The following TMEM132D variants were observed in gnomAD, a reference collection of about 807,000 sequenced individuals.
TMEM132D encodes the protein transmembrane protein 132D.
TMEM132D carries 21 observed loss-of-function variants against 62.3 expected under a neutral mutation model. That is an observed-to-expected ratio of 0.34 (90% CI 0.24 to 0.49). The LOEUF (loss-of-function observed/expected upper bound fraction) is 0.49. TMEM132D is among the 20% of genes least tolerant of loss of function. TMEM132D has a pLI of 0.99. For synonymous variants in TMEM132D, 621 were observed against 575.6 expected, an observed-to-expected ratio of 1.08 and a Z score of -1.13; for missense variants, 1,346 against 1,402.8, an observed-to-expected ratio of 0.96 and a Z score of 0.65.
chr12:129,402,968 A>T (rs759065823), intron 3 of TMEM132D, among the ~76,000 whole-genome samples: 21 of 152,086 alleles, frequency 1.4e-4, no homozygotes, highest in Admixed American at 3.3e-4. Context: ...AAAACAGTAA[A>T]TTCTGCTTTG....
rs77518829 is a variant in TMEM132D, at chr12:129,798,328, A to C, written c.80-97630T>G. On this transcript the variant is annotated intron_variant, in intron 1 of 8. Transcript: ENST00000422113. ...GATTTTTTTAAAGGTCTTTCTCAAT[A>C]GTTTAGCAAAAGATGTGGAAAGGGT... 4.7e-4 allele frequency among the ~76,000 whole-genome samples: 71 copies of C among 152,286 alleles called. 2 individuals carry two copies. The East Asian group carries it at 0.011, about 24-fold the overall frequency.
chr12:129,464,711 C>T (rs1873823061), intron 3 of TMEM132D, among the ~76,000 whole-genome samples: 1 of 152,126 alleles, frequency 6.6e-6, no homozygotes, highest in South Asian at 2.1e-4. Context: ...TTTCCCAGCA[C>T]CATTTATTAA....
At chr12:129,729,227 G>A (rs1034566712) in intron 1 of TMEM132D, among the ~76,000 whole-genome samples, 1 of 152,138 alleles carries the variant, frequency 6.6e-6, no homozygotes, top group Admixed American at 6.5e-5. Flanking sequence ...AAACATCTCT[G>A]GACCATAGAG....
chr12:129,087,678 G>A (rs1205367998), intron 5 of TMEM132D, among the ~76,000 whole-genome samples: 2 of 152,192 alleles, frequency 1.3e-5, no homozygotes, highest in Non-Finnish European at 2.9e-5. Context: ...CAGGCCTACC[G>A]ACACCTTGAT....
chr12:129,807,821 T>C (rs1872041977), intron 1 of TMEM132D, among the ~76,000 whole-genome samples: 1 of 152,190 alleles, frequency 6.6e-6, no homozygotes. Flanking sequence ...CCACCCTCCA[T>C]GATTCCATTT....
chr12:129,399,980 A>G (rs1218737647), intron 3 of TMEM132D, among the ~76,000 whole-genome samples: 1 of 152,154 alleles, frequency 6.6e-6, no homozygotes, highest in Admixed American at 6.6e-5. Context: ...TATTTCATAA[A>G]TATTTGGTAA....
At chr12:129,096,485 G>A (rs1193527724) in intron 5 of TMEM132D, among the ~76,000 whole-genome samples, 2 of 152,194 alleles carry the variant, frequency 1.3e-5, no homozygotes, top group African/African-American at 4.8e-5. Context: ...GGGTGTTCAG[G>A]GAGGAGCCCC....
chr12:129,083,471 G>A (rs561013606), intron 6 of TMEM132D, among the ~76,000 whole-genome samples: 3 of 152,166 alleles, frequency 2.0e-5, no homozygotes, highest in Non-Finnish European at 2.9e-5. Context: ...CAGCGCCAAC[G>A]GTCATTCTCT....
At chr12:129,332,486 G>A (rs1355218620) in intron 4 of TMEM132D, among the ~76,000 whole-genome samples, 2 of 152,154 alleles carry the variant, frequency 1.3e-5, no homozygotes, top group African/African-American at 2.4e-5. Context: ...AGAATGGAGA[G>A]GCCACCAGCT....
chr12:129,120,662 G>A (rs145354108), intron 5 of TMEM132D, among the ~76,000 whole-genome samples: 7 of 152,300 alleles, frequency 4.6e-5, no homozygotes, highest in Non-Finnish European at 7.3e-5. Flanking sequence ...CTGTGGTTTA[G>A]TTAATAGTAT....
At chr12:129,100,208 T>A (rs1167206093) in intron 5 of TMEM132D, among the ~76,000 whole-genome samples, 1 of 152,090 alleles carries the variant, frequency 6.6e-6, no homozygotes, top group Non-Finnish European at 1.5e-5. Flanking sequence ...CCCTGGCTAA[T>A]TTTTTGTATT....
intron 1 of TMEM132D, among the ~76,000 whole-genome samples, chr12:129,757,939 G>C (rs1486907126): frequency 6.6e-6 from 1 of 152,076 alleles, no homozygotes; most frequent in African/African-American, 2.4e-5. Context: ...GTTTCACTCT[G>C]TTGCCCAGGC....
At chr12:129,866,880 T>C (rs979021559) in intron 1 of TMEM132D, among the ~76,000 whole-genome samples, 33 of 152,184 alleles carry the variant, frequency 2.2e-4, no homozygotes, top group Non-Finnish European at 2.6e-4. Flanking sequence ...TGAGTCAGCC[T>C]ATGTGTCCAT....
intron 4 of TMEM132D, chr12:129,212,654 T>C (rs1879088962): frequency 6.6e-6 from 1 of 152,208 alleles, no homozygotes; most frequent in Admixed American, 6.5e-5. Context: ...ACAGACTCTC[T>C]TTAGAAAACA....
intron 3 of TMEM132D, among the ~76,000 whole-genome samples, chr12:129,384,044 C>T (rs954631791): frequency 2.0e-5 from 3 of 152,056 alleles, no homozygotes; most frequent in East Asian, 1.9e-4. Context: ...ACTGAATTGC[C>T]GAAAATACAT....
At chr12:129,728,582 C>T (rs1764911918) in intron 1 of TMEM132D, among the ~76,000 whole-genome samples, 2 of 152,222 alleles carry the variant, frequency 1.3e-5, no homozygotes, top group African/African-American at 4.8e-5. Context: ...AAGGGCTGAG[C>T]AGTAATGGCT....
intron 3 of TMEM132D, among the ~76,000 whole-genome samples, chr12:129,527,895 C>T (rs2137086762): frequency 6.6e-6 from 1 of 152,336 alleles, no homozygotes; most frequent in South Asian, 2.1e-4. Flanking sequence ...TGCAGTTAAA[C>T]TTAGATAAGA....
At chr12:129,655,913 A>G (rs1270667971) in intron 2 of TMEM132D, among the ~76,000 whole-genome samples, 2 of 152,170 alleles carry the variant, frequency 1.3e-5, no homozygotes, top group African/African-American at 4.8e-5. Context: ...ACAGACAAAA[A>G]ACTGGCCATG....
rs1952891022 is a variant in TMEM132D, at chr12:129,092,757, G to A, written c.1444-8055C>T. Among the ~76,000 whole-genome samples, 4 of 152,172 alleles carry A rather than the reference G, an allele frequency of 2.6e-5. No individual in the cohort carries two copies. In the South Asian group the frequency reaches 8.3e-4, roughly 32 times the overall value. ...ATAATAGTAGTGGCTAATATTCATT[G>A]TTTGCTACATGCAAGGTACTGTACT... On this transcript the variant is annotated intron_variant, in intron 5 of 8. Coordinates refer to ENST00000422113, the MANE Select transcript of TMEM132D (RefSeq NM_133448.3).
Sources: allele counts gnomAD v4.1 joint callset (sites outside exome capture counted in the v4.1 genomes callset), GRCh38; gene constraint gnomAD v4.1.1; transcripts MANE v1.5; gene names NCBI Gene and HGNC (gene_info 2026-07-23, HGNC 2026-07-21).